Variants in LRRC4C observed in about 807,000 individuals in gnomAD.
The protein encoded by LRRC4C is leucine rich repeat containing 4C, also known as leucine-rich repeat-containing protein 4C.
Under a neutral mutation model 33.6 loss-of-function variants are expected in LRRC4C, and 5 were observed. That is an observed-to-expected ratio of 0.15 (90% CI 0.08 to 0.31). LRRC4C has a LOEUF of 0.31. Ranked by LOEUF, LRRC4C falls within the 10% of genes least tolerant of loss-of-function variation. LRRC4C has a pLI of 1.00. For synonymous variants in LRRC4C, 329 were observed against 302.0 expected (o/e 1.09, Z -0.93); for missense variants, 560 against 796.7 (o/e 0.70, Z 3.58).
chr11:40,584,353 T>C (rs531336462), intron 3 of LRRC4C, among the ~76,000 whole-genome samples: 1 of 151,424 alleles, frequency 6.6e-6, no homozygotes, highest in Admixed American at 6.6e-5. Context: ...CATTACTAAA[T>C]AGTTTTTGGA....
intron 3 of LRRC4C, among the ~76,000 whole-genome samples, chr11:40,608,493 AT>A (rs1276935367): frequency 6.6e-5 from 10 of 152,124 alleles, no homozygotes; most frequent in African/African-American, 2.4e-4. Context: ...AAGCTACAAA[AT>A]ATACAGAAAA....
rs7951884 is a variant in LRRC4C, at chr11:40,571,846, G to A, written c.-270+76296C>T. Among the ~76,000 whole-genome samples the A allele has an allele frequency of 8.8e-4, 134 of 152,274 alleles. 3 individuals carry two copies. Among genetic ancestry groups the A allele is most frequent in the African/African-American group, 3.1e-3 (130 of 41,564 alleles). On this transcript the variant is annotated intron_variant, in intron 3 of 6. Transcript: ENST00000528697. ...AAAAGACCACTTTTAGAAGAAAAGG[G>A]GAGCTTAGCAAGTTTTCCAAATCAC...
chr11:41,100,704 G>A (rs780355656), intron 1 of LRRC4C, among the ~76,000 whole-genome samples: 2 of 151,914 alleles, frequency 1.3e-5, no homozygotes, highest in East Asian at 1.9e-4. Context: ...TAAAATTCAC[G>A]TGGAACCAAA....
rs183657884 is a variant in LRRC4C, at chr11:40,371,915, A to C, written c.-269-52194T>G. Reference sequence around the variant, plus strand: ...GAATTAAACAATTAGGTATGTAGGTAGATAGGGCAGGAGCGGCTATGGGAT... The same window carrying C: ...GAATTAAACAATTAGGTATGTAGGTCGATAGGGCAGGAGCGGCTATGGGAT... On this transcript the variant is annotated intron_variant, in intron 3 of 6. Transcript: ENST00000528697. Among the ~76,000 whole-genome samples, 6 of 152,310 alleles carry C rather than the reference A, an allele frequency of 3.9e-5. No homozygotes were observed. In the South Asian group the frequency reaches 8.3e-4, roughly 21 times the overall value.
intron 1 of LRRC4C, among the ~76,000 whole-genome samples, chr11:41,048,507 C>T (rs2138085268): frequency 6.6e-6 from 1 of 152,180 alleles, no homozygotes; most frequent in East Asian, 1.9e-4. Flanking sequence ...TCGTGATCCA[C>T]CCTCCTCGGT....
At chr11:41,005,665 C>T (rs1275887300) in intron 1 of LRRC4C, among the ~76,000 whole-genome samples, 1 of 152,084 alleles carries the variant, frequency 6.6e-6, no homozygotes, top group African/African-American at 2.4e-5. Flanking sequence ...GTCTTGCTCT[C>T]TCTCTCTCGC....
intron 1 of LRRC4C, among the ~76,000 whole-genome samples, chr11:40,969,686 A>G (rs924880793): frequency 6.6e-6 from 1 of 152,170 alleles, no homozygotes; most frequent in African/African-American, 2.4e-5. Context: ...AAGTATACTA[A>G]GGTATATACA....
At chr11:41,253,621 G>A (rs970773606) in intron 1 of LRRC4C, among the ~76,000 whole-genome samples, 5 of 152,052 alleles carry the variant, frequency 3.3e-5, no homozygotes, top group Non-Finnish European at 7.4e-5. Context: ...CACTAACCAA[G>A]TCTTGTCACA....
At chr11:40,503,151 G>T (rs1254759667) in intron 3 of LRRC4C, among the ~76,000 whole-genome samples, 1 of 152,146 alleles carries the variant, frequency 6.6e-6, no homozygotes, top group Non-Finnish European at 1.5e-5. Flanking sequence ...CACAGCTTCT[G>T]CTACCTGGTA....
chr11:40,867,354 T>G lies in LRRC4C; in HGVS notation c.-407+66281A>C, dbSNP rs537593178. ...AGTCCTGAAACATTGGCTAAGTTAG[T>G]CAAGCCCTACCAGATATCATTTTCT... is the stretch of plus-strand genomic sequence containing the variant. On this transcript the variant is annotated intron_variant, in intron 2 of 6. Transcript: ENST00000528697. Among the ~76,000 whole-genome samples the G allele has an allele frequency of 1.2e-4, 18 of 152,306 alleles. No individual in the cohort carries two copies. The South Asian group carries it at 3.1e-3, about 26-fold the overall frequency.
chr11:40,414,462 A>G (rs937630158), intron 3 of LRRC4C, among the ~76,000 whole-genome samples: 2 of 152,180 alleles, frequency 1.3e-5, no homozygotes, highest in Non-Finnish European at 2.9e-5. Flanking sequence ...ATGATAAGCC[A>G]TCTTAAAGTT....
chr11:41,308,362 T>G (rs1187318259), intron 1 of LRRC4C, among the ~76,000 whole-genome samples: 1 of 152,114 alleles, frequency 6.6e-6, no homozygotes. Context: ...CTATTCATTT[T>G]TTGGATACCT....
At chr11:40,722,657 G>A (rs1318710640) in intron 2 of LRRC4C, among the ~76,000 whole-genome samples, 5 of 152,204 alleles carry the variant, frequency 3.3e-5, no homozygotes, top group African/African-American at 1.2e-4. Flanking sequence ...TCCTTCAGAT[G>A]AGAAGGGCTC....
chr11:40,813,019 T>C (rs1376511322), intron 2 of LRRC4C, among the ~76,000 whole-genome samples: 1 of 152,186 alleles, frequency 6.6e-6, no homozygotes, highest in African/African-American at 2.4e-5. Context: ...AATTTTAAAG[T>C]TCTATAAAAT....
intron 4 of LRRC4C, among the ~76,000 whole-genome samples, chr11:40,302,871 C>T (rs1944842515): frequency 6.6e-6 from 1 of 152,114 alleles, no homozygotes. Context: ...TCTGGAATTT[C>T]ATAGACCTCA....
chr11:41,149,919 A>G (rs1943916967), intron 1 of LRRC4C, among the ~76,000 whole-genome samples: 1 of 152,206 alleles, frequency 6.6e-6, no homozygotes. Flanking sequence ...CTAAGAAGAT[A>G]CTCATTTGTA....
chr11:40,233,820 T>C (rs775945775), intron 5 of LRRC4C, among the ~76,000 whole-genome samples: 7 of 152,214 alleles, frequency 4.6e-5, no homozygotes, highest in Non-Finnish European at 1.0e-4. Context: ...AGGGGTAATG[T>C]TCACTTGGTC....
chr11:40,838,704 G>C, intron 2 of LRRC4C, among the ~76,000 whole-genome samples: 1 of 151,734 alleles, frequency 6.6e-6, no homozygotes, highest in East Asian at 1.9e-4. Flanking sequence ...ACACACATAA[G>C]TATTTATATA....
chr11:41,180,434 T>C (rs1169959327), intron 1 of LRRC4C, among the ~76,000 whole-genome samples: 1 of 152,174 alleles, frequency 6.6e-6, no homozygotes, highest in East Asian at 1.9e-4. Flanking sequence ...CTGTTTCTCC[T>C]TTCTCCTAGA....
Sources: allele counts gnomAD v4.1 joint callset (sites outside exome capture counted in the v4.1 genomes callset), GRCh38; gene constraint gnomAD v4.1.1; transcripts MANE v1.5; gene names NCBI Gene and HGNC (gene_info 2026-07-23, HGNC 2026-07-21).